Variants in SMG5 observed in about 807,000 individuals in gnomAD.
SMG5 encodes nonsense-mediated mRNA decay factor SMG5.
In SMG5, 53 loss-of-function variants were observed where a neutral mutation model predicts 122.9. The ratio of observed to expected loss-of-function variants is 0.43; its 90% CI spans 0.35 to 0.54. SMG5 has a LOEUF of 0.54. SMG5 is among the 20% of genes least tolerant of loss of function. The pLI is 0.01. For synonymous variants in SMG5, 477 were observed against 490.2 expected, an observed-to-expected ratio of 0.97 and a Z score of 0.35; for missense variants, 1,153 against 1,285.6, an observed-to-expected ratio of 0.90 and a Z score of 1.58.
At chr1:156,286,326 G>A (rs563432840), upstream of SMG5, 141 of 1,614,188 alleles carry the variant, frequency 8.7e-5, 2 homozygotes, top group Middle Eastern at 1.2e-3. Context: ...GAGCCACGGC[G>A]GGAGGTGGAG....
chr1:156,256,607 A>G (rs576744163), intron 16 of SMG5, among the ~76,000 whole-genome samples: 1 of 152,224 alleles, frequency 6.6e-6, no homozygotes, highest in African/African-American at 2.4e-5. Flanking sequence ...TAGGTGAGTG[A>G]GATCCGCCTG....
At chr1:156,274,143 A>C (rs1662571433) in intron 5 of SMG5, among the ~76,000 whole-genome samples, 1 of 152,166 alleles carries the variant, frequency 6.6e-6, no homozygotes, top group Admixed American at 6.5e-5. Context: ...ACCACTGTCT[A>C]TCAGGACGAG....
In SMG5 at chr1:156,260,548, G is replaced by A; in HGVS notation, c.2186C>T (p.Pro729Leu). 1 of 1,564,404 alleles carries A rather than the reference G, an allele frequency of 6.4e-7. No individual in the cohort carries two copies. Among genetic ancestry groups the A allele is most frequent in the Non-Finnish European group, 8.6e-7 (1 of 1,161,776 alleles). The change falls in exon 15 of 22, where the codon CCA becomes CTA. Residue 729 changes from proline (P) to leucine (L), a missense_variant. Physicochemically the swap from Pro to Leu is moderately conservative, Grantham distance 98. Transcript: ENST00000361813. Reference sequence around the variant, plus strand: ...CAGGTTACGAAGAGCCATGTCCTCTGGGAGCAGAAGGCTAGAGGGGAGGTC... The same window carrying A: ...CAGGTTACGAAGAGCCATGTCCTCTAGGAGCAGAAGGCTAGAGGGGAGGTC... ...LPDLPSSLLL[P>L]EDMALRNLPP...
chr1:156,281,815 TG>T (rs1410835371), intron 1 of SMG5, among the ~76,000 whole-genome samples: 1 of 152,138 alleles, frequency 6.6e-6, no homozygotes, highest in Non-Finnish European at 1.5e-5. Context: ...CCACCTTTGA[TG>T]GGAAGAGCTC....
chr1:156,260,460 G>C lies in SMG5; in HGVS notation c.2274C>G (p.Thr758=), dbSNP rs777367444. ...GAAATGCTATCCTTACCTCCTCTAAGGTGCTGAGCAGGGGCCGATCCGTGT... is the reference window on the plus strand; with the variant it reads ...GAAATGCTATCCTTACCTCCTCTAACGTGCTGAGCAGGGGCCGATCCGTGT... ...NFDTDRPLLS[T]LEESVVRICC... is the part of the protein sequence containing the mutation. Residue 758 remains threonine, a synonymous_variant, in exon 15 of 22, where the codon ACC becomes ACG. Coordinates refer to ENST00000361813, the MANE Select transcript of SMG5 (RefSeq NM_015327.3). 1 of 1,598,302 alleles carries C rather than the reference G, an allele frequency of 6.3e-7. No homozygotes were observed. The highest frequency in any genetic ancestry group is 8.5e-7 in the Non-Finnish European group (1 of 1,174,678).
intron 1 of SMG5, among the ~76,000 whole-genome samples, chr1:156,280,582 A>G (rs1475681855): frequency 6.6e-6 from 1 of 152,244 alleles, no homozygotes; most frequent in Non-Finnish European, 1.5e-5. Flanking sequence ...ATACCAGCTC[A>G]GTCCCTAGGG....
At chr1:156,266,785 C>A in intron 10 of SMG5, 107 bp from the exon 11 acceptor site, 15 of 1,158,530 alleles carry the variant, frequency 1.3e-5, no homozygotes, top group Non-Finnish European at 1.8e-5. Context: ...AAGGATCCAA[C>A]TACTTATCAA....
rs756308246 is a variant in SMG5 at position 156,259,928 on chromosome 1, T to C, written c.2283+523A>G. On this transcript the variant is annotated intron_variant, in intron 15 of 21. Coordinates refer to ENST00000361813, the MANE Select transcript of SMG5 (RefSeq NM_015327.3). ...ATAAAACAGAGCCAAGCAGCTCTGG[T>C]TGGAGGGAGCAGCCAGGTGGTTTAT... is the stretch of plus-strand genomic sequence containing the variant. Among the ~76,000 whole-genome samples the C allele has an allele frequency of 2.1e-4, 32 of 152,290 alleles. No individual in the cohort carries two copies. The Middle Eastern group carries it at 0.01, about 49-fold the overall frequency.
At position 156,250,373 on chromosome 1, in the gene SMG5, C is replaced by A. The variant is rs1661291056; in HGVS notation, c.*214G>T. 4 of 573,546 alleles carry A rather than the reference C, an allele frequency of 7.0e-6. No homozygotes were observed. Among genetic ancestry groups the A allele is most frequent in the African/African-American group, 1.9e-5 (1 of 53,382 alleles). 35.5% of individuals were successfully genotyped at this position (573,546 alleles called of 1,614,324 possible). ...CCACAAGACTCTCCTAATCCAAGCACTTTCCTCGCTTTCCTAACGTCTTGG... is the reference window on the plus strand; with the variant it reads ...CCACAAGACTCTCCTAATCCAAGCAATTTCCTCGCTTTCCTAACGTCTTGG... On this transcript the variant is annotated 3_prime_UTR_variant, in exon 22 of 22. Transcript: ENST00000361813.
chr1:156,286,546 G>A, upstream of SMG5: 1 of 1,504,090 alleles, frequency 6.6e-7, no homozygotes, highest in Non-Finnish European at 9.2e-7. Context: ...AATGTCTGGA[G>A]AGCCAGGGTC....
intron 7 of SMG5, among the ~76,000 whole-genome samples, chr1:156,270,346 TAAG>T (rs1432588567): frequency 6.6e-6 from 1 of 152,194 alleles, no homozygotes; most frequent in Admixed American, 6.5e-5. Flanking sequence ...AGCCACTACA[TAAG>T]AAGTTCTTCT....
Position 156,282,753 on chromosome 1 carries a change from C to G in SMG5, c.-73G>C. 6.8e-7 allele frequency: 1 copy of G among 1,460,106 alleles called. No homozygotes were observed. The highest frequency in any genetic ancestry group is 1.2e-5 in the South Asian group (1 of 80,368). 90.4% of individuals were successfully genotyped at this position (1,460,106 alleles called of 1,614,324 possible). A position where few individuals can be genotyped will look rare whatever the true frequency, so the allele number is the denominator to read the frequency against. On this transcript the variant is annotated 5_prime_UTR_variant, in exon 1 of 22. Transcript: ENST00000361813. ...ACCACTACCGCCAACACTGCCGTCT[C>G]CGGCCGTAGCCGCAGCCGCCGCCGC...
intron 7 of SMG5, among the ~76,000 whole-genome samples, chr1:156,270,678 T>A (rs1662368835): frequency 6.6e-6 from 1 of 151,908 alleles, no homozygotes; most frequent in Non-Finnish European, 1.5e-5. Flanking sequence ...TCAGGACAAG[T>A]AAAGGGGGGT....
the SMG5 span, chr1:156,291,306 T>C: frequency 1.5e-6 from 2 of 1,342,136 alleles, no homozygotes; most frequent in Non-Finnish European, 1.1e-6. Flanking sequence ...CCCTATCTAC[T>C]CCCCCCACCG....
At position 156,260,619 on chromosome 1, in the gene SMG5, G is replaced by A; in HGVS notation, c.2115C>T (p.Ala705=). The change falls in exon 15 of 22, where the codon GCC becomes GCT. Residue 705 remains alanine (A), a synonymous_variant. Coordinates refer to ENST00000361813, the MANE Select transcript of SMG5 (RefSeq NM_015327.3). ...AAGELQESGL[A]LCPEVQDLLE... is the part of the protein sequence containing the mutation. ...GAAGATCTTGGACCTCAGGACACAAGGCCAGGCCTGGGCAGAAGAAGGACA... is the reference window on the plus strand; with the variant it reads ...GAAGATCTTGGACCTCAGGACACAAAGCCAGGCCTGGGCAGAAGAAGGACA... 6.6e-7 allele frequency: 1 copy of A among 1,504,106 alleles called. No homozygotes were observed. Among genetic ancestry groups the A allele is most frequent in the Non-Finnish European group, 8.8e-7 (1 of 1,130,598 alleles). 93.2% of individuals were successfully genotyped at this position (1,504,106 alleles called of 1,614,324 possible). A position where few individuals can be genotyped will look rare whatever the true frequency, so the allele number is the denominator to read the frequency against.
At chr1:156,268,618 C>A (rs147403177) in intron 7 of SMG5, among the ~76,000 whole-genome samples, 3 of 152,188 alleles carry the variant, frequency 2.0e-5, no homozygotes, top group Non-Finnish European at 4.4e-5. Context: ...AGAGGAAAAA[C>A]GATGTCTTAC....
chr1:156,285,711 C>T (rs370869076), upstream of SMG5: 5 of 1,613,368 alleles, frequency 3.1e-6, no homozygotes, highest in Admixed American at 1.7e-5. Context: ...TTCATGCCCC[C>T]CCGGGTCACC....
At chr1:156,276,390 G>C (rs1229844679) in intron 4 of SMG5, among the ~76,000 whole-genome samples, 3 of 152,190 alleles carry the variant, frequency 2.0e-5, no homozygotes, top group Non-Finnish European at 4.4e-5. Context: ...GCCTCTCAAA[G>C]TGCTGGGATT....
chr1:156,273,230 G>A, intron 6 of SMG5, 131 bp downstream of exon 6: 1 of 711,868 alleles, frequency 1.4e-6, no homozygotes, highest in Non-Finnish European at 2.5e-6. Flanking sequence ...TATAAACAAG[G>A]TGAAGTACGA....
Sources: gnomAD v4.1 joint callset for allele counts (sites outside exome capture counted in the v4.1 genomes callset) on GRCh38, gnomAD v4.1.1 for gene constraint, MANE v1.5 for transcripts, NCBI Gene and HGNC (gene_info 2026-07-23, HGNC 2026-07-21) for gene names.